SLC35F3: variants seen among roughly 807,000 people sequenced by gnomAD.
The protein encoded by SLC35F3 is solute carrier family 35 member F3.
In SLC35F3, 25 loss-of-function variants were observed where a neutral mutation model predicts 49.9. That is an observed-to-expected ratio of 0.50 (90% confidence interval 0.37 to 0.70). SLC35F3 has a LOEUF of 0.70. Ranked by LOEUF, SLC35F3 falls within the 30% of genes least tolerant of loss-of-function variation. SLC35F3 has a pLI of 0.00. For missense variants in SLC35F3, 525 were observed against 639.8 expected (o/e 0.82, Z 1.94); for synonymous variants, 275 against 265.4 (o/e 1.04, Z -0.35).
At chr1:234,316,524 T>A in intron 4 of SLC35F3, 78 bp from the exon 5 acceptor site, 1 of 1,527,190 alleles carries the variant, frequency 6.5e-7, no homozygotes, top group Admixed American at 1.8e-5. Context: ...CACGCACATT[T>A]CCAGCTCTTT....
chr1:233,988,114 A>G (rs1002795846), intron 2 of SLC35F3, among the ~76,000 whole-genome samples: 7 of 152,138 alleles, frequency 4.6e-5, no homozygotes, highest in East Asian at 1.9e-4. Context: ...CACAAGGTCT[A>G]TGTGGGAGCT....
At chr1:233,942,278 A>G (rs1317203968) in intron 2 of SLC35F3, among the ~76,000 whole-genome samples, 1 of 151,922 alleles carries the variant, frequency 6.6e-6, no homozygotes, top group Non-Finnish European at 1.5e-5. Context: ...TCTTTTAAAG[A>G]AAGACACTGA....
At chr1:234,092,054 TA>T (rs1272681615) in intron 2 of SLC35F3, among the ~76,000 whole-genome samples, 1 of 152,178 alleles carries the variant, frequency 6.6e-6, no homozygotes, top group Non-Finnish European at 1.5e-5. Context: ...ATTTGGTTTT[TA>T]AAATTTCACT....
intron 2 of SLC35F3, among the ~76,000 whole-genome samples, chr1:234,163,576 C>G (rs1228358559): frequency 6.6e-6 from 1 of 152,184 alleles, no homozygotes; most frequent in Non-Finnish European, 1.5e-5. Context: ...GCTTGCCATG[C>G]CTGAGGGAAC....
intron 2 of SLC35F3, among the ~76,000 whole-genome samples, chr1:233,989,869 C>CTAAT (rs2102826500): frequency 1.3e-5 from 2 of 152,134 alleles, no homozygotes; most frequent in South Asian, 4.1e-4. Flanking sequence ...AAATCTTTGA[C>CTAAT]TAATTGGTGG....
chr1:234,174,294 A>G (rs1269759421), intron 2 of SLC35F3, among the ~76,000 whole-genome samples: 3 of 152,222 alleles, frequency 2.0e-5, no homozygotes, highest in Non-Finnish European at 2.9e-5. Context: ...CTGGAGACTG[A>G]GCCCATAGCC....
rs10910414 is a variant in SLC35F3 at position 234,320,849 on chromosome 1, C to T, written c.1237+662C>T. Among the ~76,000 whole-genome samples, 16,236 of 152,072 alleles carry T rather than the reference C, an allele frequency of 0.11. 971 individuals are homozygous for T. Among genetic ancestry groups the T allele is most frequent in the African/African-American group, 0.15 (6,169 of 41,470 alleles). On this transcript the variant is annotated intron_variant, in intron 7 of 7. Transcript: ENST00000366618. The surrounding 1 kb of genome is among the most constrained non-coding windows in gnomAD (Gnocchi z 4.8). ...ACTGCCTTCCTTTTCCTGGCTCGCA[C>T]GGATAGGAATTTTGGATTTTCTTCC...
intron 2 of SLC35F3, among the ~76,000 whole-genome samples, chr1:234,007,508 G>A (rs1217033134): frequency 6.6e-6 from 1 of 152,194 alleles, no homozygotes; most frequent in Non-Finnish European, 1.5e-5. Flanking sequence ...CAAAGCATGA[G>A]GAGTAGAGGC....
rs1553302354 is a variant in SLC35F3 at position 234,068,823 on chromosome 1, T to TTTTATATA, written c.284-162593_284-162592insTTATATAT. Among the ~76,000 whole-genome samples the TTTTATATA allele has an allele frequency of 8.0e-4, 57 of 71,154 alleles. 2 individuals are homozygous for TTTTATATA. Among genetic ancestry groups the TTTTATATA allele is most frequent in the Middle Eastern group, 0.011 (1 of 92 alleles). The allele number at this position is 71,154 out of a possible 152,430, so 46.7% of individuals were successfully genotyped here. On this transcript the variant is annotated intron_variant, in intron 2 of 7. Coordinates refer to ENST00000366618, the MANE Select transcript of SLC35F3 (RefSeq NM_173508.4). ...GAGTGACAGGATAAGATTTGAGACA[T>TTTTATATA]TATATATATATATATATATATATAT...
chr1:234,009,746 A>T (rs1663685536), intron 2 of SLC35F3, among the ~76,000 whole-genome samples: 1 of 149,024 alleles, frequency 6.7e-6, no homozygotes, highest in Non-Finnish European at 1.5e-5. Context: ...GTGATGCTTT[A>T]AAAAAAAATC....
intron 2 of SLC35F3, among the ~76,000 whole-genome samples, chr1:234,067,742 G>A (rs1572039186): frequency 6.6e-6 from 1 of 152,212 alleles, no homozygotes; most frequent in Non-Finnish European, 1.5e-5. Context: ...GCCTCCAGAT[G>A]ACTGCAGCTG....
At chr1:234,101,443 A>G (rs1018691211) in intron 2 of SLC35F3, among the ~76,000 whole-genome samples, 1 of 152,192 alleles carries the variant, frequency 6.6e-6, no homozygotes, top group African/African-American at 2.4e-5. Context: ...TGTCATACCA[A>G]TGTTCTTCCC....
intron 2 of SLC35F3, among the ~76,000 whole-genome samples, chr1:234,001,452 A>G (rs944090682): frequency 6.6e-6 from 1 of 152,208 alleles, no homozygotes; most frequent in African/African-American, 2.4e-5. Context: ...CTATTGTCAT[A>G]ATTGTTATCA....
At chr1:234,102,475 C>T (rs952194519) in intron 2 of SLC35F3, among the ~76,000 whole-genome samples, 12 of 152,176 alleles carry the variant, frequency 7.9e-5, no homozygotes, top group African/African-American at 1.4e-4. Flanking sequence ...AGAGCCCAGT[C>T]GTGTGCAAGA....
At chr1:234,082,823 G>A (rs1317272188) in intron 2 of SLC35F3, among the ~76,000 whole-genome samples, 1 of 152,068 alleles carries the variant, frequency 6.6e-6, no homozygotes, top group Non-Finnish European at 1.5e-5. Flanking sequence ...GAACAGTATG[G>A]GGGAAACCGC....
intron 2 of SLC35F3, among the ~76,000 whole-genome samples, chr1:234,125,126 G>A (rs1047943152): frequency 2.0e-5 from 3 of 151,956 alleles, no homozygotes; most frequent in Non-Finnish European, 4.4e-5. Context: ...ATCCTATCCC[G>A]CCTCATATCT....
chr1:234,129,674 A>G (rs1242554091), intron 2 of SLC35F3, among the ~76,000 whole-genome samples: 1 of 152,234 alleles, frequency 6.6e-6, no homozygotes, highest in South Asian at 2.1e-4. Flanking sequence ...CAAAAATTAT[A>G]AATTTACGCT....
intron 2 of SLC35F3, among the ~76,000 whole-genome samples, chr1:233,993,071 C>T (rs1388215672): frequency 2.6e-5 from 4 of 152,124 alleles, no homozygotes; most frequent in Non-Finnish European, 4.4e-5. Flanking sequence ...GCTCTTCAAA[C>T]TGACTTCCAT....
At chr1:233,949,902 C>T (rs1458567492) in intron 2 of SLC35F3, among the ~76,000 whole-genome samples, 4 of 152,112 alleles carry the variant, frequency 2.6e-5, no homozygotes, top group African/African-American at 9.7e-5. Context: ...AGACCCTGGG[C>T]AGAGATGCCC....
Sources: gnomAD v4.1 joint callset for allele counts (sites outside exome capture counted in the v4.1 genomes callset) on GRCh38, gnomAD v4.1.1 for gene constraint, Gnocchi (gnomAD v3.1) non-coding constraint, MANE v1.5 for transcripts, NCBI Gene and HGNC (gene_info 2026-07-23, HGNC 2026-07-21) for gene names.